AP3M1: variants seen among roughly 807,000 people sequenced by gnomAD.
The protein encoded by AP3M1 is adaptor related protein complex 3 subunit mu 1, also known as AP-3 complex subunit mu-1.
In AP3M1, 29 loss-of-function variants were observed where a neutral mutation model predicts 42.6. The ratio of observed to expected loss-of-function variants is 0.68; its 90% confidence interval spans 0.51 to 0.93. The LOEUF is 0.93. AP3M1 is among the 40% of genes least tolerant of loss of function. The pLI is 0.00. For missense variants in AP3M1, 416 were observed against 510.2 expected (o/e 0.82, Z 1.78); for synonymous variants, 178 against 175.3 (o/e 1.02, Z -0.12).
At chr10:74,127,290 C>T (rs1281582818) in intron 6 of AP3M1, among the ~76,000 whole-genome samples, 1 of 151,964 alleles carries the variant, frequency 6.6e-6, no homozygotes, top group Non-Finnish European at 1.5e-5. Flanking sequence ...TGTTCTTGTA[C>T]CACTGTGCTG....
At chr10:74,136,852 G>A in intron 2 of AP3M1, 49 bp from the exon 3 acceptor site, 1 of 1,274,414 alleles carries the variant, frequency 7.8e-7, no homozygotes, top group Non-Finnish European at 1.1e-6. Flanking sequence ...AAAAAGAAAG[G>A]CCTGCTAAAT....
intron 7 of AP3M1, among the ~76,000 whole-genome samples, chr10:74,125,926 T>G (rs1840599820): frequency 6.6e-6 from 1 of 152,184 alleles, no homozygotes; most frequent in Non-Finnish European, 1.5e-5. Flanking sequence ...AGGCACACTC[T>G]GAAAAAGGAC....
intron 4 of AP3M1, among the ~76,000 whole-genome samples, chr10:74,130,473 G>T (rs1041885448): frequency 6.6e-6 from 1 of 151,302 alleles, no homozygotes; most frequent in Non-Finnish European, 1.5e-5. Context: ...TTGAGACAGG[G>T]TCTTGCTCTG....
In AP3M1 at chr10:74,136,895, C is replaced by A. The variant is rs572344339; in HGVS notation, c.274-92G>T. ...GTTCTGAAGAATAAACTTAGAGTAG[C>A]ATAATTCATTGCTTAAGCTGCTGAA... On this transcript the variant is annotated intron_variant, in intron 2 of 8. Coordinates refer to ENST00000355264, the MANE Select transcript of AP3M1 (RefSeq NM_012095.6). The A allele has an allele frequency of 1.3e-5, 11 of 831,768 alleles. No homozygotes were observed. The South Asian group carries it at 1.9e-4, about 14-fold the overall frequency. 51.5% of individuals were successfully genotyped at this position (831,768 alleles called of 1,614,324 possible).
At chr10:74,131,541 T>C (rs888028687) in intron 4 of AP3M1, among the ~76,000 whole-genome samples, 2 of 151,962 alleles carry the variant, frequency 1.3e-5, no homozygotes, top group Admixed American at 6.6e-5. Flanking sequence ...GGATCCATAA[T>C]AGAAAGATAT....
chr10:74,147,098 C>G (rs1367540210), intron 1 of AP3M1, among the ~76,000 whole-genome samples: 2 of 152,142 alleles, frequency 1.3e-5, no homozygotes, highest in East Asian at 3.9e-4. Context: ...GCCTGGCCAA[C>G]ATGGTGAAAT....
chr10:74,137,285 C>A (rs181549919), intron 2 of AP3M1, among the ~76,000 whole-genome samples: 1,985 of 149,102 alleles, frequency 0.013, 49 homozygotes, highest in African/African-American at 0.046. Flanking sequence ...ACAAAAAAAA[C>A]CCCTCTATAG....
chr10:74,135,638 G>T (rs921884201), intron 3 of AP3M1, among the ~76,000 whole-genome samples: 3 of 151,974 alleles, frequency 2.0e-5, no homozygotes, highest in African/African-American at 7.2e-5. Context: ...TCAGTTTTGT[G>T]CTGACTTTTC....
Position 74,136,704 on chromosome 10 carries a change from T to C in AP3M1, c.373A>G (p.Thr125Ala). The C allele has an allele frequency of 1.3e-6, 2 of 1,596,664 alleles. No individual in the cohort carries two copies. The highest frequency in any genetic ancestry group is 1.7e-6 in the Non-Finnish European group (2 of 1,166,896). Residue 125 changes from threonine to alanine, a missense_variant, in exon 3 of 9, where the codon ACC (threonine) becomes GCC (alanine). By Grantham distance (58) the Thr-to-Ala change is moderately conservative. Transcript: ENST00000355264. ...AATTCTTTCAAAATGTTAGATTCGG[T>C]AGCCAGTGGAAATCCATTGTCTAAC... ...EMLDNGFPLA[T>A]ESNILKELIK...
chr10:74,129,388 G>T, intron 5 of AP3M1, 147 bp from the exon 6 acceptor site: 1 of 691,388 alleles, frequency 1.4e-6, no homozygotes, highest in Non-Finnish European at 2.3e-6. Context: ...GTTTCATAAT[G>T]CTTTAAAGTT....
At chr10:74,138,925 A>G (rs1487100911) in intron 1 of AP3M1, 4 of 143,318 alleles carry the variant, frequency 2.8e-5, no homozygotes, top group Non-Finnish European at 4.5e-5. Context: ...ACCAAGTGAG[A>G]CACTATCTAA....
intron 4 of AP3M1, among the ~76,000 whole-genome samples, chr10:74,131,093 C>G (rs1840766652): frequency 6.6e-6 from 1 of 152,146 alleles, no homozygotes; most frequent in African/African-American, 2.4e-5. Flanking sequence ...GCCTGGGCGA[C>G]AATGTGAGAC....
At chr10:74,128,333 G>A (rs1840680984) in intron 6 of AP3M1, among the ~76,000 whole-genome samples, 1 of 151,498 alleles carries the variant, frequency 6.6e-6, no homozygotes, top group Non-Finnish European at 1.5e-5. Flanking sequence ...TGCCTTCCAG[G>A]TTCAAGTGAT....
chr10:74,144,906 C>T (rs1305181864), intron 1 of AP3M1, among the ~76,000 whole-genome samples: 1 of 152,136 alleles, frequency 6.6e-6, no homozygotes, highest in Non-Finnish European at 1.5e-5. Flanking sequence ...TCGTGATCCG[C>T]CCGCCTCAGC....
chr10:74,146,995 A>T (rs1325683663), intron 1 of AP3M1, among the ~76,000 whole-genome samples: 2 of 152,196 alleles, frequency 1.3e-5, no homozygotes, highest in South Asian at 4.1e-4. Context: ...CGAGAATTGA[A>T]AATGTCAGCT....
intron 1 of AP3M1, among the ~76,000 whole-genome samples, chr10:74,142,607 G>C (rs993140360): frequency 3.3e-5 from 5 of 152,152 alleles, no homozygotes; most frequent in African/African-American, 4.8e-5. Flanking sequence ...AAAGCCCTCT[G>C]TTTAGCCAAG....
chr10:74,128,978 G>T, intron 6 of AP3M1, 130 bp downstream of exon 6: 1 of 1,069,976 alleles, frequency 9.3e-7, no homozygotes, highest in Non-Finnish European at 1.4e-6. Flanking sequence ...GTTCTCACTG[G>T]GTCTCCTGGT....
intron 1 of AP3M1, among the ~76,000 whole-genome samples, chr10:74,141,519 G>A (rs1343601642): frequency 2.0e-5 from 3 of 151,566 alleles, no homozygotes; most frequent in Non-Finnish European, 2.9e-5. Flanking sequence ...ACATACAAAC[G>A]AATCTTACAA....
intron 3 of AP3M1, 109 bp from the exon 4 acceptor site, chr10:74,134,273 G>C (rs1370721048): frequency 7.5e-6 from 9 of 1,197,090 alleles, no homozygotes; most frequent in Admixed American, 2.7e-5. Flanking sequence ...TTTTCTTAAT[G>C]AAGTTGTGGA....
Sources: gnomAD v4.1 joint callset for allele counts (sites outside exome capture counted in the v4.1 genomes callset) on GRCh38, gnomAD v4.1.1 for gene constraint, MANE v1.5 for transcripts, NCBI Gene and HGNC (gene_info 2026-07-23, HGNC 2026-07-21) for gene names.